Variants in PRORP observed in about 807,000 individuals in gnomAD.
PRORP encodes protein only RNase P catalytic subunit.
Under a neutral mutation model 59.4 loss-of-function variants are expected in PRORP, and 51 were observed. The ratio of observed to expected loss-of-function variants is 0.86; its 90% CI spans 0.69 to 1.08. The LOEUF (loss-of-function observed/expected upper bound fraction) is 1.08. Ranked by LOEUF, PRORP falls within the 50% of genes least tolerant of loss-of-function variation. The pLI is 0.00. For missense variants in PRORP, 646 were observed against 690.3 expected, an observed-to-expected ratio of 0.94 and a Z score of 0.72; for synonymous variants, 231 against 245.6, an observed-to-expected ratio of 0.94 and a Z score of 0.55.
At chr14:35,126,078 G>C (rs563011669) in intron 2 of PRORP, among the ~76,000 whole-genome samples, 1 of 152,260 alleles carries the variant, frequency 6.6e-6, no homozygotes, top group Admixed American at 6.5e-5. Context: ...CAAGTGAGAA[G>C]AGTAGATAGG....
At chr14:35,121,964 G>A (rs1271192591), upstream of PRORP, 2 of 1,614,006 alleles carry the variant, frequency 1.2e-6, no homozygotes, top group Non-Finnish European at 1.7e-6. Context: ...GTCCATGGCC[G>A]ACTTCCGCGC....
intron 7 of PRORP, 74 bp from the exon 8 acceptor site, chr14:35,273,361 G>A: frequency 1.4e-6 from 2 of 1,423,428 alleles, no homozygotes; most frequent in South Asian, 3.0e-5. Flanking sequence ...AACTTGAGAA[G>A]TGTCAGAAAG....
chr14:35,186,817 TG>T (rs967650472), intron 5 of PRORP, among the ~76,000 whole-genome samples: 1 of 152,080 alleles, frequency 6.6e-6, no homozygotes, highest in African/African-American at 2.4e-5. Context: ...TTGCTCAGGC[TG>T]GTCTTGAACT....
chr14:35,262,886 A>T (rs1471475894), intron 5 of PRORP: 1 of 1,554,980 alleles, frequency 6.4e-7, no homozygotes, highest in Admixed American at 1.7e-5. Flanking sequence ...AGAAAGATGA[A>T]TTAATCCTTG....
At chr14:35,234,803 A>G (rs2050167151) in intron 5 of PRORP, among the ~76,000 whole-genome samples, 2 of 151,234 alleles carry the variant, frequency 1.3e-5, no homozygotes, top group African/African-American at 4.9e-5. Flanking sequence ...CCCAGCTCCC[A>G]GAGTAGCTGA....
At chr14:35,252,956 A>G (rs1254141198) in intron 5 of PRORP, among the ~76,000 whole-genome samples, 2 of 152,058 alleles carry the variant, frequency 1.3e-5, no homozygotes, top group Non-Finnish European at 2.9e-5. Context: ...CTGTGCCCAT[A>G]TCTTCAGCCT....
At position 35,231,188 on chromosome 14, in the gene PRORP, C is replaced by G. The variant is rs146602502; in HGVS notation, c.1276-35539C>G. On this transcript the variant is annotated intron_variant, in intron 5 of 7. Transcript: ENST00000534898. ...AGGTTTACTACCTTACATCACATTA[C>G]CATGTCTGAGGAGAATATATACCAG... Among the ~76,000 whole-genome samples the G allele has an allele frequency of 2.5e-3, 375 of 152,250 alleles. 2 individuals carry two copies. The highest frequency in any genetic ancestry group is 8.4e-3 in the African/African-American group (351 of 41,540).
chr14:35,258,694 C>T (rs2138624002), intron 5 of PRORP, among the ~76,000 whole-genome samples: 1 of 152,194 alleles, frequency 6.6e-6, no homozygotes, highest in East Asian at 1.9e-4. Context: ...TAGGTTAAGC[C>T]TGAGGTATTG....
chr14:35,269,108 C>T (rs543728559), intron 6 of PRORP, among the ~76,000 whole-genome samples: 2 of 152,058 alleles, frequency 1.3e-5, no homozygotes, highest in Admixed American at 6.6e-5. Context: ...AGATCATGGC[C>T]CTGCCACTCC....
upstream of PRORP, chr14:35,121,916 T>C: frequency 6.2e-7 from 1 of 1,614,130 alleles, no homozygotes; most frequent in Non-Finnish European, 8.5e-7. Flanking sequence ...TGGACAGGTG[T>C]TGGGCGTCGC....
chr14:35,183,377 A>T (rs1008559999), intron 5 of PRORP, among the ~76,000 whole-genome samples: 2 of 152,182 alleles, frequency 1.3e-5, no homozygotes, highest in Non-Finnish European at 2.9e-5. Context: ...TTACTTAAAA[A>T]TTTTAAAAAT....
intron 5 of PRORP, among the ~76,000 whole-genome samples, chr14:35,255,637 C>A (rs913298170): frequency 6.6e-6 from 1 of 152,082 alleles, no homozygotes; most frequent in African/African-American, 2.4e-5. Flanking sequence ...CCTCAGCATC[C>A]CAGGTAGCTG....
Position 35,246,473 on chromosome 14 carries a change from C to A in PRORP, c.1276-20254C>A, listed in dbSNP as rs2138568539. ...AGCCACACACTTCCATTAAGTCTTA[C>A]TCCTTTACTTCCAGTTCTGGAGTCT... On this transcript the variant is annotated intron_variant, in intron 5 of 7. Coordinates refer to ENST00000534898, the MANE Select transcript of PRORP (RefSeq NM_014672.4). 1.3e-5 allele frequency among the ~76,000 whole-genome samples: 2 copies of A among 152,326 alleles called. 1 individual carries two copies. Among genetic ancestry groups the A allele is most frequent in the Non-Finnish European group, 2.9e-5 (2 of 68,032 alleles).
intron 5 of PRORP, among the ~76,000 whole-genome samples, chr14:35,193,169 GA>G (rs1382209509): frequency 6.6e-6 from 1 of 152,102 alleles, no homozygotes; most frequent in Non-Finnish European, 1.5e-5. Flanking sequence ...TGTATGGGGG[GA>G]AAAGCACATC....
intron 4 of PRORP, among the ~76,000 whole-genome samples, chr14:35,147,129 G>A (rs2047630846): frequency 6.6e-6 from 1 of 152,012 alleles, no homozygotes; most frequent in Non-Finnish European, 1.5e-5. Context: ...TTTCCACTAT[G>A]CTGTAGACTA....
At chr14:35,236,991 CTCCTTCCCTCCTTCACTCCT>C (rs1325887115) in intron 5 of PRORP, among the ~76,000 whole-genome samples, 1 of 149,372 alleles carries the variant, frequency 6.7e-6, no homozygotes, top group South Asian at 2.2e-4. Context: ...TCCTCCCTCC[CTCCTTCCCTCCTTCACTCCT>C]TCCTTCCCTC....
intron 4 of PRORP, among the ~76,000 whole-genome samples, chr14:35,160,273 T>C (rs1420870422): frequency 6.6e-6 from 1 of 152,212 alleles, no homozygotes; most frequent in Non-Finnish European, 1.5e-5. Flanking sequence ...CTCTTTCACC[T>C]TTTGGTTTTC....
At chr14:35,168,909 T>C (rs1444179232) in intron 4 of PRORP, among the ~76,000 whole-genome samples, 1 of 152,000 alleles carries the variant, frequency 6.6e-6, no homozygotes, top group Non-Finnish European at 1.5e-5. Context: ...ATTTTGTGTG[T>C]GTGATGTGAA....
At chr14:35,230,860 A>T (rs1264342956) in intron 5 of PRORP, among the ~76,000 whole-genome samples, 1 of 151,632 alleles carries the variant, frequency 6.6e-6, no homozygotes, top group East Asian at 2.0e-4. Flanking sequence ...TAAACATGGC[A>T]TGGTGGGAGT....
Sources: gnomAD v4.1 joint callset for allele counts (sites outside exome capture counted in the v4.1 genomes callset) on GRCh38, gnomAD v4.1.1 for gene constraint, MANE v1.5 for transcripts, NCBI Gene and HGNC (gene_info 2026-07-23, HGNC 2026-07-21) for gene names.